The following PTPRT variants were observed in gnomAD, a reference collection of about 807,000 sequenced individuals.
The protein encoded by PTPRT is receptor-type tyrosine-protein phosphatase T.
Under a neutral mutation model 176.8 loss-of-function variants are expected in PTPRT, and 56 were observed. The ratio of observed to expected loss-of-function variants is 0.32; its 90% CI spans 0.26 to 0.40. PTPRT has a LOEUF of 0.40. Among genes scored for constraint, PTPRT ranks in the 10% least tolerant of loss-of-function variants. The pLI is 1.00. For synonymous variants in PTPRT, 783 were observed against 739.0 expected, an observed-to-expected ratio of 1.06 and a Z score of -0.96; for missense variants, 1,540 against 1,908.2, an observed-to-expected ratio of 0.81 and a Z score of 3.60.
At chr20:42,711,048 G>C (rs1187304512) in intron 6 of PTPRT, among the ~76,000 whole-genome samples, 2 of 152,228 alleles carry the variant, frequency 1.3e-5, no homozygotes, top group Non-Finnish European at 2.9e-5. Context: ...TGGAATGGCA[G>C]TGTTTACCTA....
intron 3 of PTPRT, among the ~76,000 whole-genome samples, chr20:42,784,213 A>C (rs975897161): frequency 5.3e-5 from 8 of 152,136 alleles, no homozygotes; most frequent in African/African-American, 1.9e-4. Flanking sequence ...TCCTTCCAAA[A>C]AATGGTTTTT....
At chr20:42,590,029 T>C (rs1021551690) in intron 7 of PTPRT, among the ~76,000 whole-genome samples, 3 of 152,108 alleles carry the variant, frequency 2.0e-5, no homozygotes, top group African/African-American at 7.2e-5. Flanking sequence ...GAGAACAGGC[T>C]TCTATGTGAC....
chr20:42,488,342 C>A (rs558611039), intron 7 of PTPRT, among the ~76,000 whole-genome samples: 12 of 152,230 alleles, frequency 7.9e-5, no homozygotes, highest in African/African-American at 2.9e-4. Flanking sequence ...GAACAGCAGC[C>A]CCAAAACTTT....
chr20:42,076,698 G>A lies in PTPRT; in HGVS notation c.*4181C>T. On this transcript the variant is annotated 3_prime_UTR_variant, in exon 31 of 31. Transcript: ENST00000373187. ...GCTGACCTAGGGTCCGTCATAGCGGGGTGAACAGAACAGAACAACATGAGG... is the reference window on the plus strand; with the variant it reads ...GCTGACCTAGGGTCCGTCATAGCGGAGTGAACAGAACAGAACAACATGAGG... The A allele has an allele frequency of 5.1e-6, 1 of 197,856 alleles. No homozygotes were observed. The allele number at this position is 197,856 out of a possible 1,614,324, so 12.3% of individuals were successfully genotyped here.
At chr20:42,298,121 G>A (rs1039360103) in intron 12 of PTPRT, among the ~76,000 whole-genome samples, 2 of 152,028 alleles carry the variant, frequency 1.3e-5, no homozygotes, top group African/African-American at 4.8e-5. Flanking sequence ...ATAAAGTACT[G>A]ATATCTCTGA....
intron 2 of PTPRT, among the ~76,000 whole-genome samples, chr20:42,883,736 A>G (rs1309180816): frequency 3.1e-4 from 1 of 3,244 alleles, no homozygotes; most frequent in Non-Finnish European, 7.9e-4. Flanking sequence ...ACACCCCCAT[A>G]CACTCTCACA....
intron 7 of PTPRT, among the ~76,000 whole-genome samples, chr20:42,590,945 T>C (rs916730359): frequency 6.7e-6 from 1 of 149,652 alleles, no homozygotes; most frequent in African/African-American, 2.5e-5. Flanking sequence ...TGTGTGTGTG[T>C]GTGTGTGTGT....
chr20:42,170,558 G>T (rs1990035089), intron 16 of PTPRT, among the ~76,000 whole-genome samples: 1 of 152,142 alleles, frequency 6.6e-6, no homozygotes. Flanking sequence ...ATTAAAATGG[G>T]CACTGGAATC....
intron 1 of PTPRT, among the ~76,000 whole-genome samples, chr20:43,084,182 C>T (rs2011541787): frequency 1.3e-5 from 2 of 152,164 alleles, no homozygotes; most frequent in Non-Finnish European, 2.9e-5. Context: ...TAAGTGACTG[C>T]CGAACTGTTT....
intron 13 of PTPRT, among the ~76,000 whole-genome samples, chr20:42,281,516 C>G (rs952792834): frequency 1.2e-4 from 18 of 152,170 alleles, no homozygotes; most frequent in Admixed American, 8.5e-4. Flanking sequence ...CTCTTTTTCT[C>G]CCCACTCTGC....
chr20:42,690,602 T>C (rs1232851848), intron 6 of PTPRT, among the ~76,000 whole-genome samples: 2 of 152,158 alleles, frequency 1.3e-5, no homozygotes, highest in Non-Finnish European at 1.5e-5. Context: ...TAAGTGGAAG[T>C]CTACCTCAAT....
intron 2 of PTPRT, among the ~76,000 whole-genome samples, chr20:42,844,429 G>A (rs17811700): frequency 0.034 from 5,192 of 152,226 alleles, 143 homozygotes; most frequent in Middle Eastern, 0.058. Flanking sequence ...GAATTAAGGG[G>A]TCCTTTCTAT....
intron 2 of PTPRT, among the ~76,000 whole-genome samples, chr20:42,840,292 A>C (rs1271534783): frequency 2.0e-5 from 3 of 152,142 alleles, no homozygotes; most frequent in Non-Finnish European, 4.4e-5. Context: ...ATTGGGGCCA[A>C]CCTACTCCAG....
intron 9 of PTPRT, among the ~76,000 whole-genome samples, chr20:42,419,013 T>C (rs767840778): frequency 3.3e-5 from 5 of 152,192 alleles, no homozygotes; most frequent in Non-Finnish European, 7.3e-5. Flanking sequence ...GTTCCCAGCA[T>C]ATAATGAGTG....
At chr20:42,768,291 T>G (rs1013930510) in intron 5 of PTPRT, among the ~76,000 whole-genome samples, 2 of 152,116 alleles carry the variant, frequency 1.3e-5, no homozygotes, top group Admixed American at 1.3e-4. Flanking sequence ...GACTCTGCCA[T>G]AGCCTCTTGC....
In PTPRT at chr20:43,170,696, A is replaced by C. The variant is rs150328052; in HGVS notation, c.88+18950T>G. On this transcript the variant is annotated intron_variant, in intron 1 of 30. Coordinates refer to ENST00000373187, the MANE Select transcript of PTPRT (RefSeq NM_007050.6). ...CTGCCAGACTGGTAGAATTATTCCCATTGACAGCGGGGAATCTGGGCTCAA... is the reference window on the plus strand; with the variant it reads ...CTGCCAGACTGGTAGAATTATTCCCCTTGACAGCGGGGAATCTGGGCTCAA... Among the ~76,000 whole-genome samples, 202 of 152,304 alleles carry C rather than the reference A, an allele frequency of 1.3e-3. 1 individual carries two copies. Among genetic ancestry groups the C allele is most frequent in the African/African-American group, 4.7e-3 (196 of 41,568 alleles).
At chr20:42,213,502 G>A (rs530605684) in intron 15 of PTPRT, among the ~76,000 whole-genome samples, 4 of 152,244 alleles carry the variant, frequency 2.6e-5, no homozygotes, top group Admixed American at 6.5e-5. Flanking sequence ...CTCTCTGGCC[G>A]CAAAAGATAT....
At position 42,102,116 on chromosome 20, in the gene PTPRT, C is replaced by A; in HGVS notation, c.3714+8G>T. 1.9e-6 allele frequency: 3 copies of A among 1,604,932 alleles called. No individual in the cohort carries two copies. In the South Asian group the frequency reaches 3.3e-5, roughly 18 times the overall value. On this transcript the variant is annotated splice_region_variant and intron_variant, in intron 26 of 30. Transcript: ENST00000373187. ...CAGCTAGGAGCTTTCTGCCCGGGCTCGGCTTACATCCATCAGTGCTGCGTT... is the reference window on the plus strand; with the variant it reads ...CAGCTAGGAGCTTTCTGCCCGGGCTAGGCTTACATCCATCAGTGCTGCGTT...
intron 7 of PTPRT, among the ~76,000 whole-genome samples, chr20:42,625,730 TGA>T (rs1181863359): frequency 1.3e-5 from 2 of 151,740 alleles, no homozygotes; most frequent in Non-Finnish European, 2.9e-5. Flanking sequence ...ACCAACACAA[TGA>T]GAGAGAAAAA....
Sources: allele counts gnomAD v4.1 joint callset (sites outside exome capture counted in the v4.1 genomes callset), GRCh38; gene constraint gnomAD v4.1.1; transcripts MANE v1.5; gene names NCBI Gene and HGNC (gene_info 2026-07-23, HGNC 2026-07-21).